Variants in P3H2 observed in about 807,000 individuals in gnomAD.
P3H2 encodes the protein prolyl 3-hydroxylase 2, also known as leprecan-like 1.
P3H2 carries 80 observed loss-of-function variants against 87.0 expected under a neutral mutation model. The ratio of observed to expected loss-of-function variants is 0.92; its 90% CI spans 0.77 to 1.11. The LOEUF (loss-of-function observed/expected upper bound fraction) is 1.11, where lower values mean the gene tolerates loss of function less well. P3H2 is among the 50% of genes least tolerant of loss of function. The pLI, the probability that P3H2 is intolerant of heterozygous loss-of-function variation, is 0.00. For missense variants in P3H2, 1,001 were observed against 923.9 expected, an observed-to-expected ratio of 1.08 and a Z score of -1.08; for synonymous variants, 367 against 359.3, an observed-to-expected ratio of 1.02 and a Z score of -0.24.
rs548869464 is a variant in P3H2, at chr3:189,992,227, T to TG, written c.823+1866dup. Among the ~76,000 whole-genome samples the TG allele has an allele frequency of 2.7e-3, 405 of 152,290 alleles. 2 individuals carry two copies. Among genetic ancestry groups the TG allele is most frequent in the South Asian group, 0.021 (100 of 4,828 alleles). ...CTCTTGCCTCAGCCTCCTAAGTAGC[T>TG]GGGATTACAGGCACCCACCACCACA... On this transcript the variant is annotated intron_variant, in intron 3 of 14. Transcript: ENST00000319332.
chr3:190,092,228 G>T (rs1488178058), intron 1 of P3H2, among the ~76,000 whole-genome samples: 1 of 101,620 alleles, frequency 9.8e-6, no homozygotes, highest in Non-Finnish European at 1.9e-5. Context: ...ACGAGACTCC[G>T]TCAAAAAAAA....
chr3:190,082,928 A>G (rs1484950455), intron 1 of P3H2, among the ~76,000 whole-genome samples: 3 of 152,214 alleles, frequency 2.0e-5, no homozygotes, highest in Admixed American at 2.0e-4. Flanking sequence ...ATAAACAAAA[A>G]TAAAATTATA....
At chr3:190,078,993 G>A (rs1726958323) in intron 1 of P3H2, among the ~76,000 whole-genome samples, 1 of 152,120 alleles carries the variant, frequency 6.6e-6, no homozygotes, top group Non-Finnish European at 1.5e-5. Context: ...TCCAATCCTA[G>A]CTCAGTCACT....
intron 1 of P3H2, among the ~76,000 whole-genome samples, chr3:190,033,074 A>T (rs115548614): frequency 0.014 from 2,151 of 152,272 alleles, 37 homozygotes; most frequent in African/African-American, 0.048. Flanking sequence ...AGGAACTCGG[A>T]ACCTAGATCC....
At chr3:189,999,383 G>A (rs948998143) in intron 1 of P3H2, among the ~76,000 whole-genome samples, 1 of 152,204 alleles carries the variant, frequency 6.6e-6, no homozygotes, top group African/African-American at 2.4e-5. Flanking sequence ...ACTAGAATTT[G>A]CTGCCAGGGT....
chr3:189,991,536 T>A (rs1723876710), intron 3 of P3H2, among the ~76,000 whole-genome samples: 1 of 152,224 alleles, frequency 6.6e-6, no homozygotes, highest in Admixed American at 6.5e-5. Context: ...CAGTATTTAC[T>A]AAGTAAGTAT....
At chr3:190,060,809 T>C (rs1470607960) in intron 1 of P3H2, among the ~76,000 whole-genome samples, 3 of 152,154 alleles carry the variant, frequency 2.0e-5, no homozygotes, top group Non-Finnish European at 4.4e-5. Context: ...TGTACTAACA[T>C]GCTAAAAATA....
At chr3:190,066,875 A>T (rs896046155) in intron 1 of P3H2, among the ~76,000 whole-genome samples, 2 of 152,082 alleles carry the variant, frequency 1.3e-5, no homozygotes, top group African/African-American at 4.8e-5. Flanking sequence ...TTCTGCCTAG[A>T]GTGCCTTCTC....
intron 2 of P3H2, 93 bp from the exon 3 acceptor site, chr3:189,994,376 AG>A: frequency 1.0e-6 from 1 of 991,320 alleles, no homozygotes; most frequent in Non-Finnish European, 1.5e-6. Flanking sequence ...TTGTTGACTC[AG>A]GATCATCTAG....
chr3:190,107,262 T>C lies in P3H2; in HGVS notation c.480+12990A>G, dbSNP rs116004103. On this transcript the variant is annotated intron_variant, in intron 1 of 14. Coordinates refer to ENST00000319332, the MANE Select transcript of P3H2 (RefSeq NM_018192.4). The stretch of plus-strand genomic sequence containing the variant: ...ATGATAGATAGATGATAGATGGATA[T>C]ACATTTATACCTATTGAGGTAAAAA... Among the ~76,000 whole-genome samples the C allele has an allele frequency of 9.1e-3, 1,387 of 152,292 alleles. 24 individuals are homozygous for C. Among genetic ancestry groups the C allele is most frequent in the African/African-American group, 0.03 (1,243 of 41,578 alleles).
intron 1 of P3H2, among the ~76,000 whole-genome samples, chr3:190,109,610 G>A (rs66860253): frequency 0.12 from 18,878 of 152,134 alleles, 1,304 homozygotes; most frequent in Middle Eastern, 0.21. Flanking sequence ...AAACTATCTG[G>A]TCTTTTCCAT....
chr3:190,075,143 T>G (rs1160238449), intron 1 of P3H2, among the ~76,000 whole-genome samples: 1 of 152,098 alleles, frequency 6.6e-6, no homozygotes, highest in Non-Finnish European at 1.5e-5. Context: ...AGTCTAGTAG[T>G]GAAGAAAAGG....
intron 1 of P3H2, among the ~76,000 whole-genome samples, chr3:190,063,560 TTAA>T (rs1208161026): frequency 2.0e-5 from 3 of 152,196 alleles, no homozygotes; most frequent in Non-Finnish European, 4.4e-5. Flanking sequence ...CTTTGCATGA[TTAA>T]TGTGTTACTA....
intron 1 of P3H2, among the ~76,000 whole-genome samples, chr3:190,012,010 T>C (rs1012202108): frequency 6.6e-6 from 1 of 152,104 alleles, no homozygotes; most frequent in African/African-American, 2.4e-5. Flanking sequence ...GTGTGGTATA[T>C]GAAGAAACAG....
At chr3:190,034,853 CTT>C (rs58325211) in intron 1 of P3H2, among the ~76,000 whole-genome samples, 1 of 140,262 alleles carries the variant, frequency 7.1e-6, no homozygotes, top group Non-Finnish European at 1.5e-5. Context: ...CTTTTCTTTT[CTT>C]TTTTTTTTTT....
At chr3:190,069,950 G>GT (rs559020113) in intron 1 of P3H2, among the ~76,000 whole-genome samples, 2,406 of 147,066 alleles carry the variant, frequency 0.016, 50 homozygotes, top group African/African-American at 0.052. Flanking sequence ...GTGTAGACAA[G>GT]TTTTTTTTTT....
At chr3:190,077,826 C>T (rs1018092735) in intron 1 of P3H2, among the ~76,000 whole-genome samples, 2 of 152,182 alleles carry the variant, frequency 1.3e-5, no homozygotes, top group Non-Finnish European at 2.9e-5. Flanking sequence ...AAGAACAAAG[C>T]TCTTATCAAG....
At chr3:190,075,543 A>G (rs1726845287) in intron 1 of P3H2, among the ~76,000 whole-genome samples, 1 of 152,036 alleles carries the variant, frequency 6.6e-6, no homozygotes, top group African/African-American at 2.4e-5. Context: ...GTGCACCAAG[A>G]CAGATACACA....
At chr3:190,000,902 T>C (rs1724192016) in intron 1 of P3H2, among the ~76,000 whole-genome samples, 1 of 152,190 alleles carries the variant, frequency 6.6e-6, no homozygotes, top group Non-Finnish European at 1.5e-5. Context: ...AATTCAAACT[T>C]CTTTGTGGAA....
Sources: gnomAD v4.1 joint callset for allele counts (sites outside exome capture counted in the v4.1 genomes callset) on GRCh38, gnomAD v4.1.1 for gene constraint, MANE v1.5 for transcripts, NCBI Gene and HGNC (gene_info 2026-07-23, HGNC 2026-07-21) for gene names.